Variants in PISD observed in about 807,000 individuals in gnomAD.
PISD encodes the protein phosphatidylserine decarboxylase proenzyme, mitochondrial.
PISD carries 31 observed loss-of-function variants against 43.5 expected under a neutral mutation model. That is an observed-to-expected ratio of 0.71 (90% CI 0.54 to 0.96). The LOEUF is 0.96. Among genes scored for constraint, PISD ranks in the 40% least tolerant of loss-of-function variants. The probability of loss-of-function intolerance (pLI) is 0.00; values close to 1 mark genes in which losing one functional copy is unlikely to be tolerated. For synonymous variants in PISD, 259 were observed against 228.7 expected (o/e 1.13, Z -1.20); for missense variants, 523 against 548.4 (o/e 0.95, Z 0.46).
rs1303306429 is a variant in PISD, at chr22:31,624,636, G to A, written c.322-2751C>T. ...AGCTCTCAAGCCACCTGTCTGCTCTGCTGGGGCTGCACAGACAGACACACA... is the reference window on the plus strand; with the variant it reads ...AGCTCTCAAGCCACCTGTCTGCTCTACTGGGGCTGCACAGACAGACACACA... On this transcript the variant is annotated intron_variant, in intron 3 of 7. Coordinates refer to ENST00000439502, the MANE Select transcript of PISD (RefSeq NM_001326411.2). Among the ~76,000 whole-genome samples the A allele has an allele frequency of 2.0e-5, 3 of 148,188 alleles. No homozygotes were observed. The East Asian group carries it at 6.0e-4, about 29-fold the overall frequency.
At chr22:31,645,316 G>A (rs1385741681) in intron 3 of PISD, among the ~76,000 whole-genome samples, 4 of 151,618 alleles carry the variant, frequency 2.6e-5, no homozygotes, top group Non-Finnish European at 4.4e-5. Flanking sequence ...GAGGTGGGAG[G>A]ATGGCTTGAG....
At chr22:31,621,173 C>T (rs1489065688) in intron 5 of PISD, 31 bp from the exon 6 acceptor site, 1 of 1,613,802 alleles carries the variant, frequency 6.2e-7, no homozygotes, top group Non-Finnish European at 8.5e-7. Context: ...TGGGGGCCAC[C>T]AACACAGTGA....
chr22:31,635,565 G>A (rs1333559707), intron 3 of PISD, among the ~76,000 whole-genome samples: 3 of 152,180 alleles, frequency 2.0e-5, no homozygotes, highest in Non-Finnish European at 4.4e-5. Flanking sequence ...CCAAAGTGCT[G>A]GGATTACGGG....
intron 1 of PISD, among the ~76,000 whole-genome samples, chr22:31,652,938 T>C (rs893693174): frequency 6.7e-6 from 1 of 150,098 alleles, no homozygotes; most frequent in African/African-American, 2.5e-5. Flanking sequence ...AACCAAAAAG[T>C]TGAAGTGGGA....
Position 31,621,130 on chromosome 22 carries a change from T to A in PISD, c.710A>T (p.Asp237Val), listed in dbSNP as rs2072539489. Reference sequence around the variant, plus strand: ...GGTGACCAGCTGGTTCTTGAAGGAGTCACACGACGCGGCTGTGGAGTAGGA... The same window carrying A: ...GGTGACCAGCTGGTTCTTGAAGGAGACACACGACGCGGCTGTGGAGTAGGA... Reference protein sequence around the residue: ...DLPFPPAASCDSFKNQLVTRE... With the variant: ...DLPFPPAASCVSFKNQLVTRE... Residue 237 changes from aspartate (D) to valine (V), a missense_variant, in exon 6 of 8, where the codon GAC becomes GTC. By Grantham distance (152) the Asp-to-Val change is radical (BLOSUM62 -3). Transcript: ENST00000439502. 1 of 1,613,878 alleles carries A rather than the reference T, an allele frequency of 6.2e-7. No individual in the cohort carries two copies. The highest frequency in any genetic ancestry group is 2.2e-5 in the East Asian group (1 of 44,854).
intron 4 of PISD, 60 bp from the exon 5 acceptor site, chr22:31,621,532 A>G: frequency 6.2e-7 from 1 of 1,605,144 alleles, no homozygotes; most frequent in Non-Finnish European, 8.5e-7. Context: ...CCCAGGAGAC[A>G]GCCCCCACCT....
At chr22:31,635,841 G>A (rs1156421273) in intron 3 of PISD, among the ~76,000 whole-genome samples, 1 of 152,194 alleles carries the variant, frequency 6.6e-6, no homozygotes, top group South Asian at 2.1e-4. Context: ...GTGGCACTGG[G>A]GCAGGCAGGA....
intron 4 of PISD, 25 bp downstream of exon 4, chr22:31,621,624 G>A: frequency 6.2e-7 from 1 of 1,603,612 alleles, no homozygotes; most frequent in Non-Finnish European, 8.5e-7. Context: ...CCTGTTTCCT[G>A]CAGGAGGAAA....
At position 31,648,138 on chromosome 22, in the gene PISD, C is replaced by A; in HGVS notation, c.284G>T (p.Gly95Val). 1.2e-6 allele frequency: 2 copies of A among 1,612,214 alleles called. No homozygotes were observed. Among genetic ancestry groups the A allele is most frequent in the Non-Finnish European group, 1.7e-6 (2 of 1,179,824 alleles). Residue 95 changes from glycine (G) to valine (V), a missense_variant, in exon 3 of 8, where the codon GGA (glycine) becomes GTA (valine). Physicochemically the swap from Gly to Val is moderately radical, Grantham distance 109 (BLOSUM62 -3). Coordinates refer to ENST00000439502, the MANE Select transcript of PISD (RefSeq NM_001326411.2). The stretch of plus-strand genomic sequence containing the variant: ...AGCAAGTTTGGGTGGAATCTCCAAT[C>A]CCAGCTTCTCCAGCTCTCGCTCCCT... ...KYRERELEKL[G>V]LEIPPKLAGH...
In PISD at chr22:31,656,452, C is replaced by T. The variant is rs997915827; in HGVS notation, c.66-5674G>A. Among the ~76,000 whole-genome samples, 8 of 151,964 alleles carry T rather than the reference C, an allele frequency of 5.3e-5. No homozygotes were observed. In the East Asian group the frequency reaches 1.2e-3, roughly 22 times the overall value. ...GATCACGAGGTCAGGAGTTCGAGAC[C>T]GGCCTGACCAACATGGTGAAACTCC... On this transcript the variant is annotated intron_variant, in intron 1 of 7. Transcript: ENST00000439502.
At position 31,632,743 on chromosome 22, in the gene PISD, A is replaced by G. The variant is rs116920551; in HGVS notation, c.322-10858T>C. 5.5e-4 allele frequency among the ~76,000 whole-genome samples: 84 copies of G among 152,306 alleles called. No individual in the cohort carries two copies. The East Asian group carries it at 0.016, about 28-fold the overall frequency. ...CCACCTGCAACCCTGAAATGGAGTAATTAGGTAAATAATTATCTAACTTTT... is the reference window on the plus strand; with the variant it reads ...CCACCTGCAACCCTGAAATGGAGTAGTTAGGTAAATAATTATCTAACTTTT... On this transcript the variant is annotated intron_variant, in intron 3 of 7. Transcript: ENST00000439502.
chr22:31,624,761 C>G (rs935080707), intron 3 of PISD, among the ~76,000 whole-genome samples: 1 of 139,890 alleles, frequency 7.1e-6, no homozygotes, highest in Admixed American at 7.1e-5. Context: ...ACACACGAGA[C>G]CCAAGCCCCT....
chr22:31,656,368 C>T lies in PISD; in HGVS notation c.66-5590G>A, dbSNP rs1227870678. Among the ~76,000 whole-genome samples, 8 of 149,692 alleles carry T rather than the reference C, an allele frequency of 5.3e-5. No individual in the cohort carries two copies. The East Asian group carries it at 1.2e-3, about 23-fold the overall frequency. ...CTGAAAAAAACAAAAAAATAAAGGC[C>T]GGGCATGGTGGCTGACGCCTATGAG... On this transcript the variant is annotated intron_variant, in intron 1 of 7. Transcript: ENST00000439502.
At chr22:31,621,620 T>A (rs2072583532) in intron 4 of PISD, 29 bp downstream of exon 4, 2 of 1,605,764 alleles carry the variant, frequency 1.2e-6, no homozygotes, top group East Asian at 4.5e-5. Context: ...AAGTCCTGTT[T>A]CCTGCAGGAG....
chr22:31,627,895 A>G, intron 3 of PISD: 1 of 344,934 alleles, frequency 2.9e-6, no homozygotes, highest in Non-Finnish European at 4.1e-6. Flanking sequence ...GGCCCTACTG[A>G]GGAATCAAGG....
intron 3 of PISD, chr22:31,625,558 C>G (rs1394521129): frequency 1.6e-6 from 1 of 635,750 alleles, no homozygotes; most frequent in East Asian, 2.7e-5. Context: ...CTGGGCCCTC[C>G]TCATGGTTGG....
chr22:31,645,037 G>T (rs113001421), intron 3 of PISD, among the ~76,000 whole-genome samples: 1 of 152,008 alleles, frequency 6.6e-6, no homozygotes, highest in African/African-American at 2.4e-5. Flanking sequence ...CAGGAGAATC[G>T]CTTGAACCCA....
upstream of PISD, chr22:31,662,464 C>T (rs1326371182): frequency 1.9e-6 from 1 of 535,192 alleles, no homozygotes; most frequent in Non-Finnish European, 3.4e-6. Context: ...CCTCTGGGTG[C>T]CTTTCCTCAT....
chr22:31,658,369 C>T (rs1051732149), intron 1 of PISD, among the ~76,000 whole-genome samples: 1 of 152,170 alleles, frequency 6.6e-6, no homozygotes, highest in Non-Finnish European at 1.5e-5. Flanking sequence ...AAAAACAAAA[C>T]TCACCTCATT....
Sources: gnomAD v4.1 joint callset for allele counts (sites outside exome capture counted in the v4.1 genomes callset) on GRCh38, gnomAD v4.1.1 for gene constraint, MANE v1.5 for transcripts, NCBI Gene and HGNC (gene_info 2026-07-23, HGNC 2026-07-21) for gene names.